Variants in THADA observed in about 807,000 individuals in gnomAD.
THADA encodes THADA armadillo repeat containing.
In THADA, 213 loss-of-function variants were observed where a neutral mutation model predicts 219.8. The observed-to-expected ratio is 0.97, with a 90% CI of 0.87 to 1.09. The LOEUF is 1.09. THADA is among the 50% of genes least tolerant of loss of function. The pLI, the probability that THADA is intolerant of heterozygous loss-of-function variation, is 0.00. For missense variants in THADA, 2,956 were observed against 2,311.3 expected (o/e 1.28, Z -5.72); for synonymous variants, 1,018 against 828.9 (o/e 1.23, Z -3.92).
chr2:43,545,002 C>T (rs184168429), intron 20 of THADA, among the ~76,000 whole-genome samples: 13 of 152,220 alleles, frequency 8.5e-5, no homozygotes, highest in Admixed American at 3.9e-4. Context: ...GTATGACATT[C>T]GCTGTGGGTT....
intron 31 of THADA, among the ~76,000 whole-genome samples, chr2:43,301,019 A>G (rs1188574333): frequency 6.6e-6 from 1 of 152,210 alleles, no homozygotes; most frequent in Non-Finnish European, 1.5e-5. Flanking sequence ...GACTAATGAT[A>G]TTAAAACCAC....
intron 22 of THADA, among the ~76,000 whole-genome samples, chr2:43,523,348 C>T (rs901383329): frequency 6.6e-6 from 1 of 152,154 alleles, no homozygotes; most frequent in Admixed American, 6.5e-5. Context: ...GCCTTGGCAA[C>T]AGAGAGATTC....
In THADA at chr2:43,551,770, G is replaced by T; in HGVS notation, c.2947+19C>A. ...TAATCAAACCACAGCACTCTAGCCGGCCTTCTTCATTTGCTAACCTGAATC... is the reference window on the plus strand; with the variant it reads ...TAATCAAACCACAGCACTCTAGCCGTCCTTCTTCATTTGCTAACCTGAATC... On this transcript the variant is annotated intron_variant, in intron 19 of 37. Transcript: ENST00000405975. 3 of 1,606,778 alleles carry T rather than the reference G, an allele frequency of 1.9e-6. No homozygotes were observed. The highest frequency in any genetic ancestry group is 2.5e-6 in the Non-Finnish European group (3 of 1,177,196).
rs1696457708 is a variant in THADA at position 43,549,228 on chromosome 2, T to C, written c.3088A>G (p.Thr1030Ala). The change falls in exon 20 of 38, where the codon ACT becomes GCT. Residue 1030 changes from threonine (T) to alanine (A), a missense_variant. By Grantham distance (58) the Thr-to-Ala change is moderately conservative. Coordinates refer to ENST00000405975, the MANE Select transcript of THADA (RefSeq NM_022065.5). Reference protein sequence around the residue: ...DLNASVVNIDTSTEIKGKEVK... With the variant: ...DLNASVVNIDASTEIKGKEVK... The stretch of plus-strand genomic sequence containing the variant: ...AAGTTACCTTTGATTTCTGTAGAAG[T>C]ATCAATATTCACCACACTAGCATTC... 1 of 1,578,598 alleles carries C rather than the reference T, an allele frequency of 6.3e-7. No homozygotes were observed. The highest frequency in any genetic ancestry group is 2.2e-5 in the East Asian group (1 of 44,592).
chr2:43,529,690 T>C (rs989442110), intron 21 of THADA, among the ~76,000 whole-genome samples: 1 of 152,192 alleles, frequency 6.6e-6, no homozygotes, highest in Non-Finnish European at 1.5e-5. Flanking sequence ...TATCTCTTGA[T>C]CCAGGTCTCC....
At chr2:43,540,755 T>C (rs1300255586) in intron 21 of THADA, among the ~76,000 whole-genome samples, 1 of 152,214 alleles carries the variant, frequency 6.6e-6, no homozygotes, top group Non-Finnish European at 1.5e-5. Context: ...TTATTATCAA[T>C]GCAGTGGGAA....
chr2:43,475,935 T>A (rs1479706206), intron 26 of THADA, among the ~76,000 whole-genome samples: 1 of 152,254 alleles, frequency 6.6e-6, no homozygotes, highest in Non-Finnish European at 1.5e-5. Flanking sequence ...TCAGATAGCC[T>A]AGAAGAATGT....
intron 26 of THADA, chr2:43,430,627 G>C (rs1291386616): frequency 2.8e-5 from 13 of 462,772 alleles, no homozygotes; most frequent in South Asian, 1.9e-4. Flanking sequence ...ACTATAAGTA[G>C]AGTCAACACC....
chr2:43,461,016 G>A (rs1243428805), intron 26 of THADA, among the ~76,000 whole-genome samples: 3 of 152,232 alleles, frequency 2.0e-5, no homozygotes, highest in Non-Finnish European at 4.4e-5. Context: ...TGTTGAGGCA[G>A]AGGTGTATAA....
chr2:43,552,934 C>T (rs560883422), intron 17 of THADA, among the ~76,000 whole-genome samples: 1 of 152,108 alleles, frequency 6.6e-6, no homozygotes, highest in African/African-American at 2.4e-5. Flanking sequence ...GTAGGCAAAT[C>T]TATAGACAGA....
At chr2:43,451,395 T>C (rs992499609) in intron 26 of THADA, among the ~76,000 whole-genome samples, 1 of 152,198 alleles carries the variant, frequency 6.6e-6, no homozygotes, top group African/African-American at 2.4e-5. Flanking sequence ...CATCCCCCAC[T>C]GTCCATTATT....
At chr2:43,343,826 TATA>T in intron 30 of THADA, 1 of 258,484 alleles carries the variant, frequency 3.9e-6, no homozygotes, top group South Asian at 5.3e-5. Flanking sequence ...CTTTCATTGT[TATA>T]ATATCTAACA....
At chr2:43,501,043 A>C (rs7575271) in intron 24 of THADA, among the ~76,000 whole-genome samples, 1,694 of 152,122 alleles carry the variant, frequency 0.011, 37 homozygotes, top group African/African-American at 0.039. Context: ...TGGTGGCTCA[A>C]GCCTGTGATC....
At chr2:43,491,135 C>T (rs1687583854) in intron 25 of THADA, among the ~76,000 whole-genome samples, 1 of 152,058 alleles carries the variant, frequency 6.6e-6, no homozygotes, top group African/African-American at 2.4e-5. Flanking sequence ...ATTTTCTGTT[C>T]CCATCCACTA....
intron 22 of THADA, among the ~76,000 whole-genome samples, chr2:43,512,371 G>T (rs548461607): frequency 6.6e-6 from 1 of 152,208 alleles, no homozygotes; most frequent in African/African-American, 2.4e-5. Flanking sequence ...CCTCTCCCAG[G>T]CAAGTCCTGA....
At chr2:43,556,805 C>G (rs1441513386) in intron 16 of THADA, among the ~76,000 whole-genome samples, 1 of 152,076 alleles carries the variant, frequency 6.6e-6, no homozygotes, top group Non-Finnish European at 1.5e-5. Context: ...TGGCTCATAT[C>G]TGTAACCCCA....
chr2:43,432,550 A>G (rs533134440), intron 26 of THADA, among the ~76,000 whole-genome samples: 1 of 151,896 alleles, frequency 6.6e-6, no homozygotes, highest in East Asian at 1.9e-4. Flanking sequence ...TCCTGGATTA[A>G]TATCCGAGAA....
At chr2:43,581,611 G>C (rs1269870113) in intron 8 of THADA, 130 bp downstream of exon 8, 1 of 688,112 alleles carries the variant, frequency 1.5e-6, no homozygotes, top group South Asian at 2.3e-5. Flanking sequence ...CCATTTTTGA[G>C]AGGCTGAGTA....
intron 29 of THADA, among the ~76,000 whole-genome samples, chr2:43,377,892 C>T (rs139870123): frequency 6.6e-6 from 1 of 152,058 alleles, no homozygotes; most frequent in South Asian, 2.1e-4. Flanking sequence ...CACCAGACAC[C>T]GCAAAAGGCA....
Sources: allele counts gnomAD v4.1 joint callset (sites outside exome capture counted in the v4.1 genomes callset), GRCh38; gene constraint gnomAD v4.1.1; transcripts MANE v1.5; gene names NCBI Gene and HGNC (gene_info 2026-07-23, HGNC 2026-07-21).